Variants in GBP3 observed in about 807,000 individuals in gnomAD.
The protein encoded by GBP3 is guanylate-binding protein 3.
Under a neutral mutation model 62.4 loss-of-function variants are expected in GBP3, and 55 were observed. That is an observed-to-expected ratio of 0.88 (90% CI 0.71 to 1.10). The LOEUF is 1.10. Among genes scored for constraint, GBP3 ranks in the 50% least tolerant of loss-of-function variants. The probability of loss-of-function intolerance (pLI) is 0.00; values close to 1 mark genes in which losing one functional copy is unlikely to be tolerated. For synonymous variants in GBP3, 208 were observed against 259.2 expected (o/e 0.80, Z 1.90); for missense variants, 605 against 690.6 (o/e 0.88, Z 1.39).
Position 89,015,395 on chromosome 1 carries a change from T to C in GBP3, c.210A>G (p.Thr70=). The part of the protein sequence containing the change: ...GKNKGFSLGS[T]VKSHTKGIWM... ...AGATTCCTTTGGTGTGAGATTTCAC[T>C]GTGGAGCCCAGAGAGAAGCCTGTAA... The change falls in exon 3 of 11, where the codon ACA becomes ACG. Residue 70 remains threonine (T), a synonymous_variant. Coordinates refer to ENST00000370481, the MANE Select transcript of GBP3 (RefSeq NM_018284.3). The C allele has an allele frequency of 6.2e-7, 1 of 1,613,618 alleles. No individual in the cohort carries two copies. Among genetic ancestry groups the C allele is most frequent in the Non-Finnish European group, 8.5e-7 (1 of 1,179,832 alleles).
intron 2 of GBP3, among the ~76,000 whole-genome samples, chr1:89,015,744 TAAAAAA>T (rs58886103): frequency 1.2e-5 from 1 of 86,032 alleles, no homozygotes; most frequent in Non-Finnish European, 2.2e-5. Context: ...ACTCTTGTCT[TAAAAAA>T]AAAAAAAAAA....
rs529732102 is a variant in GBP3, at chr1:89,018,094, T to A, written c.190+2438A>T. On this transcript the variant is annotated intron_variant, in intron 2 of 10. Transcript: ENST00000370481. ...ACTGTGTCTCAAAAAAAAAAAAAAT[T>A]AAAATAACTGTAGGGAGACCCCGTG... 9.2e-5 allele frequency among the ~76,000 whole-genome samples: 14 copies of A among 151,458 alleles called. No individual in the cohort carries two copies. In the South Asian group the frequency reaches 2.5e-3, roughly 27 times the overall value.
chr1:89,012,193 C>G (rs2101138869), intron 6 of GBP3, among the ~76,000 whole-genome samples, 166 bp from the exon 7 acceptor site: 1 of 139,330 alleles, frequency 7.2e-6, no homozygotes, highest in Non-Finnish European at 1.7e-5. Flanking sequence ...TGTCCCAGAT[C>G]TACTGAATTA....
rs373674841 is a variant in GBP3 at position 89,020,579 on chromosome 1, C to T, written c.143G>A (p.Arg48His). 26 of 1,614,134 alleles carry T rather than the reference C, an allele frequency of 1.6e-5. No individual in the cohort carries two copies. The highest frequency in any genetic ancestry group is 6.7e-5 in the East Asian group (3 of 44,884). ...VVVVAIVGLY[R>H]TGKSYLMNKL... ...GTTCATCAGGTAGGATTTTCCTGTG[C>T]GGTAGAGGCCCACAATTGCCACCAC... The change falls in exon 2 of 11, where the codon CGC becomes CAC. Residue 48 changes from arginine (R) to histidine (H), a missense_variant. Arg to His is a conservative substitution (Grantham distance 29). Coordinates refer to ENST00000370481, the MANE Select transcript of GBP3 (RefSeq NM_018284.3).
Position 89,014,082 on chromosome 1 carries a change from C to T in GBP3, c.625+1G>A, listed in dbSNP as rs767150621. On this transcript the variant is annotated splice_donor_variant, in intron 5 of 10. Coordinates refer to ENST00000370481, the MANE Select transcript of GBP3 (RefSeq NM_018284.3). LOFTEE classifies it high-confidence loss of function. The stretch of plus-strand genomic sequence containing the variant: ...ATTTATCAATGGTACGTCTCTGTTA[C>T]CTTGCGTTAGCTTCAGGGAATACTC... 5 of 1,613,982 alleles carry T rather than the reference C, an allele frequency of 3.1e-6. No homozygotes were observed. The highest frequency in any genetic ancestry group is 4.2e-6 in the Non-Finnish European group (5 of 1,179,864).
rs762839292 is a variant in GBP3 at position 89,011,975 on chromosome 1, C to T, written c.921G>A (p.Leu307=). ...TYINAISRGD[L]PCMENAVLAL... ...CCAGGACTGCGTTCTCCATGCAGGG[C>T]AGATCCCCTCTGCTGATAGCATTGA... The change falls in exon 7 of 11, where the codon CTG becomes CTA. Residue 307 remains leucine (L), a synonymous_variant. Transcript: ENST00000370481. 47 of 1,462,524 alleles carry T rather than the reference C, an allele frequency of 3.2e-5. 5 individuals are homozygous for T. The East Asian group carries it at 9.7e-4, about 30-fold the overall frequency. 90.6% of individuals were successfully genotyped at this position (1,462,524 alleles called of 1,614,324 possible).
At chr1:89,021,499 T>TGCGCGCGCGCGC (rs143944083) in intron 1 of GBP3, among the ~76,000 whole-genome samples, 9 of 119,114 alleles carry the variant, frequency 7.6e-5, no homozygotes, top group African/African-American at 2.8e-4. Context: ...GAAACACGCA[T>TGCGCGCGCGCGC]GCGCGCGCGC....
chr1:89,019,421 T>C (rs1015507312), intron 2 of GBP3, among the ~76,000 whole-genome samples: 1 of 152,234 alleles, frequency 6.6e-6, no homozygotes, highest in Non-Finnish European at 1.5e-5. Flanking sequence ...CCTGAGTAGC[T>C]GGGATTACAG....
Position 89,009,019 on chromosome 1 carries a change from C to G in GBP3, c.1587G>C (p.Leu529Phe). The change falls in exon 10 of 11, where the codon TTG becomes TTC. Residue 529 changes from leucine (L) to phenylalanine (F), a missense_variant. Physicochemically the swap from Leu to Phe is conservative, Grantham distance 22 (BLOSUM62 0). Around this residue, in one of 3 missense-constraint regions of GBP3, gnomAD observed 160 missense variants for 147.8 expected, o/e 1.08. Coordinates refer to ENST00000370481, the MANE Select transcript of GBP3 (RefSeq NM_018284.3). ...EKSYQEHVKQ[L>F]TEKMERERAQ... ...CCCTCTCCCTCTCCATCTTCTCAGT[C>G]AATTGTTTCACATGTTCTTGATAAC... The G allele has an allele frequency of 6.2e-7, 1 of 1,614,230 alleles. No homozygotes were observed.
chr1:89,009,348 T>G, intron 9 of GBP3, 44 bp downstream of exon 9: 1 of 1,575,488 alleles, frequency 6.3e-7, no homozygotes. Context: ...TATTTAAAAT[T>G]TGAAAAGCTT....
At chr1:89,017,338 G>A in intron 2 of GBP3, among the ~76,000 whole-genome samples, 1 of 151,112 alleles carries the variant, frequency 6.6e-6, no homozygotes, top group Non-Finnish European at 1.5e-5. Flanking sequence ...AAAAAAGTTG[G>A]ACTGTTAGCT....
chr1:89,014,475 A>T (rs750544643), intron 4 of GBP3, 72 bp downstream of exon 4: 1 of 1,613,856 alleles, frequency 6.2e-7, no homozygotes, highest in Non-Finnish European at 8.5e-7. Context: ...CAGGATTCAC[A>T]GTCAGGCAGC....
At chr1:89,020,859 G>C (rs1457489612) in intron 1 of GBP3, 116 bp from the exon 2 acceptor site, 2 of 748,972 alleles carry the variant, frequency 2.7e-6, no homozygotes, top group Non-Finnish European at 4.4e-6. Flanking sequence ...AGAGAGATGA[G>C]GGAAAATGTG....
chr1:89,019,970 TA>T (rs1254687412), intron 2 of GBP3, among the ~76,000 whole-genome samples: 6 of 152,190 alleles, frequency 3.9e-5, no homozygotes, highest in Admixed American at 3.9e-4. Flanking sequence ...TTTTCAACCT[TA>T]AAGATCAGTG....
At chr1:89,017,564 C>T (rs75121186) in intron 2 of GBP3, among the ~76,000 whole-genome samples, 163 of 152,248 alleles carry the variant, frequency 1.1e-3, no homozygotes, top group Non-Finnish European at 2.0e-3. Context: ...ATTTGCTAAA[C>T]GTGTATCTGA....
intron 2 of GBP3, 30 bp downstream of exon 2, chr1:89,020,502 A>T: frequency 6.2e-7 from 1 of 1,612,838 alleles, no homozygotes; most frequent in South Asian, 1.1e-5. Context: ...GACAGAAGGG[A>T]CTTGGCAGAG....
chr1:89,008,711 C>A (rs750639863), intron 10 of GBP3: 1 of 658,660 alleles, frequency 1.5e-6, no homozygotes. Flanking sequence ...ATATGACAGC[C>A]GTAAGTGGAA....
chr1:89,018,823 G>A lies in GBP3; in HGVS notation c.190+1709C>T, dbSNP rs138188110. ...ATCCAGTGCATTGGCAGCACCACGG[G>A]ACCAGAAGGCTGTGACCCCCCTGGA... is the stretch of plus-strand genomic sequence containing the variant. On this transcript the variant is annotated intron_variant, in intron 2 of 10. Transcript: ENST00000370481. 1.5e-4 allele frequency among the ~76,000 whole-genome samples: 23 copies of A among 152,162 alleles called. No homozygotes were observed. The East Asian group carries it at 4.3e-3, about 28-fold the overall frequency.
At chr1:89,011,257 T>A in intron 7 of GBP3, 141 bp from the exon 8 acceptor site, 2 of 1,113,194 alleles carry the variant, frequency 1.8e-6, no homozygotes, top group Non-Finnish European at 2.6e-6. Context: ...ACCACGCTCT[T>A]ACTCCTGACC....
Sources: gnomAD v4.1 joint callset for allele counts (sites outside exome capture counted in the v4.1 genomes callset) on GRCh38, gnomAD v4.1.1 for gene constraint, gnomAD v4.1.1 regional missense constraint, MANE v1.5 for transcripts, NCBI Gene and HGNC (gene_info 2026-07-23, HGNC 2026-07-21) for gene names.